The following ANO10 variants were observed in gnomAD, a reference collection of about 807,000 sequenced individuals.
The protein encoded by ANO10 is anoctamin-10.
ANO10 carries 77 observed loss-of-function variants against 74.7 expected under a neutral mutation model. That is an observed-to-expected ratio of 1.03 (90% CI 0.86 to 1.25). ANO10 has a LOEUF of 1.25. Among genes scored for constraint, ANO10 ranks in the 50% most tolerant of loss-of-function variants. The pLI is 0.00. For missense variants in ANO10, 721 were observed against 778.1 expected (o/e 0.93, Z 0.87); for synonymous variants, 279 against 284.9 (o/e 0.98, Z 0.21).
chr3:43,650,268 T>C (rs2083772715), intron 1 of ANO10, among the ~76,000 whole-genome samples: 1 of 152,192 alleles, frequency 6.6e-6, no homozygotes, highest in African/African-American at 2.4e-5. Context: ...CAGCGGCCAA[T>C]TCTTCGACTG....
At chr3:43,398,607 G>A (rs2092424176) in intron 12 of ANO10, among the ~76,000 whole-genome samples, 1 of 152,172 alleles carries the variant, frequency 6.6e-6, no homozygotes, top group Admixed American at 6.5e-5. Context: ...ACATGGGCCA[G>A]TAACTGCTGC....
Position 43,580,487 on chromosome 3 carries a change from T to C in ANO10, c.473-15A>G, listed in dbSNP as rs1418408115. ...CAATCTTCTCACTGCACAGGGAAAA[T>C]GTGCCAAACTGCATGAAATGGACTG... On this transcript the variant is annotated splice_polypyrimidine_tract_variant and intron_variant, in intron 4 of 12. Coordinates refer to ENST00000292246, the MANE Select transcript of ANO10 (RefSeq NM_018075.5). The C allele has an allele frequency of 6.2e-7, 1 of 1,612,496 alleles. No homozygotes were observed. Among genetic ancestry groups the C allele is most frequent in the East Asian group, 2.2e-5 (1 of 44,866 alleles).
chr3:43,430,893 C>T (rs929314003), intron 12 of ANO10, among the ~76,000 whole-genome samples: 1 of 151,888 alleles, frequency 6.6e-6, no homozygotes, highest in African/African-American at 2.4e-5. Flanking sequence ...CATAAATTAC[C>T]ACCTAAGTTT....
intron 8 of ANO10, among the ~76,000 whole-genome samples, chr3:43,563,393 A>G (rs537464828): frequency 6.6e-6 from 1 of 150,786 alleles, no homozygotes; most frequent in Non-Finnish European, 1.5e-5. Context: ...TGATACAGAC[A>G]TTATATAAAA....
intron 11 of ANO10, among the ~76,000 whole-genome samples, chr3:43,530,660 G>C (rs991069451): frequency 6.6e-6 from 1 of 151,962 alleles, no homozygotes; most frequent in South Asian, 2.1e-4. Context: ...TTTTGAGAGA[G>C]AGACCCCATG....
intron 4 of ANO10, among the ~76,000 whole-genome samples, chr3:43,582,222 C>T (rs1363912378): frequency 6.6e-6 from 1 of 152,030 alleles, no homozygotes; most frequent in Admixed American, 6.6e-5. Context: ...GAGGCCAAGG[C>T]GGGTGGATCA....
chr3:43,507,272 C>T (rs559629147), intron 11 of ANO10, among the ~76,000 whole-genome samples: 2 of 152,314 alleles, frequency 1.3e-5, no homozygotes, highest in South Asian at 4.1e-4. Flanking sequence ...ATTTTCTGGA[C>T]TGTCCTTCGT....
chr3:43,427,074 C>T (rs2148927516), intron 12 of ANO10, among the ~76,000 whole-genome samples: 1 of 152,228 alleles, frequency 6.6e-6, no homozygotes, highest in Middle Eastern at 3.4e-3. Context: ...ACTTGATGTG[C>T]TGGTTTAAAA....
intron 1 of ANO10, among the ~76,000 whole-genome samples, chr3:43,654,380 T>C (rs562291306): frequency 2.0e-5 from 3 of 152,264 alleles, no homozygotes; most frequent in Admixed American, 2.0e-4. Context: ...TTGATGGGGA[T>C]AGAATTCAGA....
At chr3:43,660,019 G>A (rs996258021) in intron 1 of ANO10, among the ~76,000 whole-genome samples, 2 of 152,156 alleles carry the variant, frequency 1.3e-5, no homozygotes, top group African/African-American at 2.4e-5. Context: ...CTGTTAGAAG[G>A]AAAACTAACA....
chr3:43,469,334 C>A (rs2075761563), intron 11 of ANO10, among the ~76,000 whole-genome samples: 1 of 152,194 alleles, frequency 6.6e-6, no homozygotes, highest in East Asian at 1.9e-4. Flanking sequence ...GCGTGAGCCA[C>A]CATGCCCGGC....
intron 11 of ANO10, among the ~76,000 whole-genome samples, chr3:43,476,990 C>A (rs2076090603): frequency 6.6e-6 from 1 of 152,010 alleles, no homozygotes; most frequent in Non-Finnish European, 1.5e-5. Flanking sequence ...GGTAAAATTT[C>A]TTTTATTTGA....
In ANO10 at chr3:43,602,335, A is replaced by G. The variant is rs114421598; in HGVS notation, c.140-1754T>C. Among the ~76,000 whole-genome samples the G allele has an allele frequency of 4.7e-3, 713 of 152,036 alleles. 4 individuals are homozygous for G. The highest frequency in any genetic ancestry group is 0.017 in the African/African-American group (685 of 41,482). On this transcript the variant is annotated intron_variant, in intron 2 of 12. Coordinates refer to ENST00000292246, the MANE Select transcript of ANO10 (RefSeq NM_018075.5). ...AAACTGGCATAACCTTTTTTTATTA[A>G]TTAATTAATTTATTTATTTTGAGAC...
At chr3:43,566,256 G>C (rs1006395095) in intron 7 of ANO10, among the ~76,000 whole-genome samples, 64 of 152,352 alleles carry the variant, frequency 4.2e-4, no homozygotes, top group South Asian at 4.1e-3. Flanking sequence ...GCGAGGCTGG[G>C]GGAGGGGCGC....
Position 43,367,279 on chromosome 3 carries a change from G to A in ANO10, c.1915-305C>T, listed in dbSNP as rs544104027. 8.9e-4 allele frequency among the ~76,000 whole-genome samples: 135 copies of A among 152,294 alleles called. 1 individual carries two copies. Among genetic ancestry groups the A allele is most frequent in the African/African-American group, 3.2e-3 (131 of 41,566 alleles). ...CAGGATGAGGGGAATAGGCGGACAGGGCCTGAGAGAGGACGGGGCACAGGC... is the reference window on the plus strand; with the variant it reads ...CAGGATGAGGGGAATAGGCGGACAGAGCCTGAGAGAGGACGGGGCACAGGC... On this transcript the variant is annotated intron_variant, in intron 12 of 12. Coordinates refer to ENST00000292246, the MANE Select transcript of ANO10 (RefSeq NM_018075.5).
chr3:43,558,885 C>T (rs1039998280), intron 9 of ANO10, among the ~76,000 whole-genome samples: 2 of 152,104 alleles, frequency 1.3e-5, no homozygotes, highest in African/African-American at 2.4e-5. Flanking sequence ...TGGGAAATGG[C>T]CAGATCACGC....
chr3:43,378,082 T>C (rs1475020693), intron 12 of ANO10, among the ~76,000 whole-genome samples: 1 of 152,194 alleles, frequency 6.6e-6, no homozygotes, highest in African/African-American at 2.4e-5. Context: ...AGTAAGAGCC[T>C]ACTAAATGAA....
At chr3:43,463,428 C>G (rs759526627) in intron 11 of ANO10, among the ~76,000 whole-genome samples, 1 of 152,230 alleles carries the variant, frequency 6.6e-6, no homozygotes, top group Non-Finnish European at 1.5e-5. Flanking sequence ...TTACATTATA[C>G]AACCCCAGGT....
In ANO10 at chr3:43,636,875, C is replaced by G. The variant is rs1387586532; in HGVS notation, c.-11-31012G>C. On this transcript the variant is annotated intron_variant, in intron 1 of 3. Coordinates refer to the ANO10 transcript ENST00000413397. Reference sequence around the variant, plus strand: ...TGGTCTCTGTCACCACTAAAAAGGCCCCATTTAGCCTGGTGCAGTGGCTCA... The same window carrying G: ...TGGTCTCTGTCACCACTAAAAAGGCGCCATTTAGCCTGGTGCAGTGGCTCA... Among the ~76,000 whole-genome samples the G allele has an allele frequency of 2.0e-5, 3 of 152,126 alleles. No individual in the cohort carries two copies. The East Asian group carries it at 5.8e-4, about 29-fold the overall frequency.
Sources: allele counts gnomAD v4.1 joint callset (sites outside exome capture counted in the v4.1 genomes callset), GRCh38; gene constraint gnomAD v4.1.1; transcripts MANE v1.5; gene names NCBI Gene and HGNC (gene_info 2026-07-23, HGNC 2026-07-21).